Variants in RASGRF1 observed in about 807,000 individuals in gnomAD.
The protein encoded by RASGRF1 is Ras protein specific guanine nucleotide releasing factor 1, also known as ras-specific guanine nucleotide-releasing factor 1.
In RASGRF1, 40 loss-of-function variants were observed where a neutral mutation model predicts 138.7. That is an observed-to-expected ratio of 0.29 (90% CI 0.22 to 0.38). RASGRF1 has a LOEUF of 0.38. RASGRF1 is among the 10% of genes least tolerant of loss of function. The pLI, the probability that RASGRF1 is intolerant of heterozygous loss-of-function variation, is 1.00. For missense variants in RASGRF1, 1,108 were observed against 1,650.4 expected (o/e 0.67, Z 5.69); for synonymous variants, 614 against 663.2 (o/e 0.93, Z 1.14).
At chr15:79,068,615 T>TACAC (rs141408068) in intron 1 of RASGRF1, among the ~76,000 whole-genome samples, 8 of 149,880 alleles carry the variant, frequency 5.3e-5, no homozygotes, top group African/African-American at 2.0e-4. Flanking sequence ...TGTGTATATA[T>TACAC]ACACACACAC....
chr15:79,047,116 G>T, intron 4 of RASGRF1, 117 bp from the exon 5 acceptor site: 2 of 1,294,814 alleles, frequency 1.5e-6, no homozygotes, highest in Non-Finnish European at 1.0e-6. Context: ...CCTACGCCGG[G>T]CATGTAGCAA....
At chr15:79,081,348 C>T (rs2057911368) in intron 1 of RASGRF1, among the ~76,000 whole-genome samples, 2 of 152,176 alleles carry the variant, frequency 1.3e-5, no homozygotes, top group Non-Finnish European at 2.9e-5. Context: ...CAAATTCAGG[C>T]CTTTGCTACT....
chr15:79,002,705 C>T (rs1158504023), intron 15 of RASGRF1, among the ~76,000 whole-genome samples: 1 of 152,198 alleles, frequency 6.6e-6, no homozygotes, highest in Admixed American at 6.5e-5. Context: ...CAGGCCATTT[C>T]CTTGGTGACT....
rs2055538620 is a variant in RASGRF1 at position 78,961,168 on chromosome 15, A to G, written c.*976T>C. The G allele has an allele frequency of 6.6e-6, 1 of 152,258 alleles. No individual in the cohort carries two copies. The allele number at this position is 152,258 out of a possible 1,614,324, so 9.4% of individuals were successfully genotyped here. ...TGGTAATATTCACAGAATAAGCACT[A>G]CATTACTATATTCCTGCTAGAAGGC... On this transcript the variant is annotated 3_prime_UTR_variant, in exon 27 of 27. Transcript: ENST00000558480.
chr15:78,983,902 G>A (rs1318921800), intron 23 of RASGRF1, among the ~76,000 whole-genome samples: 1 of 152,206 alleles, frequency 6.6e-6, no homozygotes, highest in Non-Finnish European at 1.5e-5. Context: ...CAATCCCACT[G>A]GGTTGTAATG....
chr15:78,970,247 G>C (rs540709256), intron 26 of RASGRF1, among the ~76,000 whole-genome samples: 1 of 152,218 alleles, frequency 6.6e-6, no homozygotes, highest in African/African-American at 2.4e-5. Context: ...GAGGCTGGGC[G>C]TGGTGGTTCA....
rs2057350663 is a variant in RASGRF1, at chr15:79,046,069, G to A, written c.878+677C>T. Among the ~76,000 whole-genome samples, 2 of 152,194 alleles carry A rather than the reference G, an allele frequency of 1.3e-5. No individual in the cohort carries two copies. Among genetic ancestry groups the A allele is most frequent in the South Asian group, 2.1e-4 (1 of 4,830 alleles). On this transcript the variant is annotated intron_variant, in intron 5 of 26. Coordinates refer to ENST00000558480, the MANE Select transcript of RASGRF1 (RefSeq NM_001145648.3). This position sits in a 1 kb window ranked among gnomAD's most constrained non-coding sequence, Gnocchi z 5.3. ...AAAAGAAGTTGACAGCAGAAGAGCA[G>A]CCGTCAGCACAGCCTTCTGAAGAAC... is the stretch of plus-strand genomic sequence containing the variant.
intron 1 of RASGRF1, among the ~76,000 whole-genome samples, chr15:79,074,196 G>C (rs1330125078): frequency 6.6e-6 from 1 of 152,190 alleles, no homozygotes; most frequent in Admixed American, 6.5e-5. Flanking sequence ...GGATCCCTAG[G>C]GGTATGGCTG....
intron 11 of RASGRF1, among the ~76,000 whole-genome samples, chr15:79,019,666 G>A (rs2056930529): frequency 6.6e-6 from 1 of 152,214 alleles, no homozygotes; most frequent in Admixed American, 6.5e-5. Flanking sequence ...GTCACACACA[G>A]GTGTGTGAAT....
intron 1 of RASGRF1, among the ~76,000 whole-genome samples, chr15:79,070,161 G>A (rs1036894718): frequency 5.3e-5 from 8 of 152,202 alleles, no homozygotes; most frequent in African/African-American, 1.7e-4. Context: ...ACAGGTGTGA[G>A]GTTGGGTCTG....
intron 8 of RASGRF1, among the ~76,000 whole-genome samples, chr15:79,030,803 A>C (rs1421434828): frequency 6.6e-6 from 1 of 152,230 alleles, no homozygotes; most frequent in East Asian, 1.9e-4. Context: ...CTCTTCCTGG[A>C]TGACCACAGT....
chr15:78,998,781 G>T lies in RASGRF1; in HGVS notation c.2791C>A (p.Arg931Ser). The T allele has an allele frequency of 6.2e-7, 1 of 1,614,136 alleles. No homozygotes were observed. The highest frequency in any genetic ancestry group is 8.5e-7 in the Non-Finnish European group (1 of 1,179,978). Residue 931 changes from arginine to serine, a missense_variant, in exon 18 of 27, where the codon CGC (arginine) becomes AGC (serine). Transcript: ENST00000558480. Reference protein sequence around the residue: ...QRNGDKEFVIRRAATNRVLNV... With the variant: ...QRNGDKEFVISRAATNRVLNV... ...AAGACACGATTGGTGGCTGCTCTGC[G>T]GATCACAAACTCCTTGTCTCCATTC...
intron 3 of RASGRF1, among the ~76,000 whole-genome samples, chr15:79,053,343 T>C (rs917153380): frequency 4.6e-5 from 7 of 152,248 alleles, no homozygotes; most frequent in African/African-American, 1.7e-4. Context: ...TTCCCTCCAC[T>C]GTCAGCCTTC....
intron 25 of RASGRF1, among the ~76,000 whole-genome samples, chr15:78,972,596 C>A (rs1567425416): frequency 6.6e-6 from 1 of 152,110 alleles, no homozygotes; most frequent in Non-Finnish European, 1.5e-5. Flanking sequence ...TTAGCGCCTG[C>A]TGTGCACAAG....
chr15:79,085,767 C>T (rs927517615), intron 1 of RASGRF1, among the ~76,000 whole-genome samples: 40 of 152,306 alleles, frequency 2.6e-4, no homozygotes, highest in African/African-American at 9.6e-4. Context: ...GGCGAGCTCC[C>T]TACTCAACTG....
chr15:79,044,199 C>T (rs1481144885), intron 5 of RASGRF1, among the ~76,000 whole-genome samples: 2 of 152,244 alleles, frequency 1.3e-5, no homozygotes, highest in Admixed American at 1.3e-4. Context: ...ACATTCTCTG[C>T]CTGAAATGTG....
chr15:79,031,172 G>T (rs1595919951), intron 8 of RASGRF1, among the ~76,000 whole-genome samples: 1 of 152,172 alleles, frequency 6.6e-6, no homozygotes, highest in East Asian at 1.9e-4. Flanking sequence ...GGCCCTATCT[G>T]TGCCAGGGAT....
chr15:79,052,588 G>A (rs1380582516), intron 3 of RASGRF1, among the ~76,000 whole-genome samples: 1 of 152,176 alleles, frequency 6.6e-6, no homozygotes, highest in African/African-American at 2.4e-5. Flanking sequence ...TCATAGAGGT[G>A]GCTTGCAATC....
chr15:79,022,465 C>CCA (rs1331402080), intron 10 of RASGRF1, among the ~76,000 whole-genome samples: 3 of 147,798 alleles, frequency 2.0e-5, no homozygotes, highest in African/African-American at 7.5e-5. Flanking sequence ...AACCCCCCCC[C>CCA]AAAAACCCCC....
Sources: allele counts gnomAD v4.1 joint callset (sites outside exome capture counted in the v4.1 genomes callset), GRCh38; gene constraint gnomAD v4.1.1; non-coding constraint Gnocchi (gnomAD v3.1); transcripts MANE v1.5; gene names NCBI Gene and HGNC (gene_info 2026-07-23, HGNC 2026-07-21).